The following VSTM4 variants were observed in gnomAD, a reference collection of about 807,000 sequenced individuals.
VSTM4 encodes the protein V-set and transmembrane domain containing 4.
Under a neutral mutation model 36.4 loss-of-function variants are expected in VSTM4, and 20 were observed. The ratio of observed to expected loss-of-function variants is 0.55; its 90% CI spans 0.39 to 0.80. VSTM4 has a LOEUF of 0.80. VSTM4 is among the 30% of genes least tolerant of loss of function. VSTM4 has a pLI of 0.00. For synonymous variants in VSTM4, 182 were observed against 173.9 expected, an observed-to-expected ratio of 1.05 and a Z score of -0.37; for missense variants, 392 against 404.5, an observed-to-expected ratio of 0.97 and a Z score of 0.26.
chr10:49,101,418 GT>G (rs1036810912), intron 2 of VSTM4, among the ~76,000 whole-genome samples: 1 of 152,116 alleles, frequency 6.6e-6, no homozygotes, highest in Non-Finnish European at 1.5e-5. Flanking sequence ...ATTTATTAAG[GT>G]TATGGCCAGG....
At chr10:49,019,809 T>C (rs1222347157) in intron 7 of VSTM4, 34 bp from the exon 8 acceptor site, 2 of 1,600,050 alleles carry the variant, frequency 1.2e-6, no homozygotes, top group Admixed American at 3.4e-5. Context: ...AACACAATTC[T>C]AGCTGACCAC....
At chr10:49,069,536 C>T (rs1209232241) in intron 4 of VSTM4, among the ~76,000 whole-genome samples, 1 of 152,200 alleles carries the variant, frequency 6.6e-6, no homozygotes, top group African/African-American at 2.4e-5. Context: ...CAGGGCTCAA[C>T]CCACAGCCCC....
rs143610842 is a variant in VSTM4, at chr10:49,099,738, A to G, written c.457+7856T>C. Among the ~76,000 whole-genome samples, 399 of 152,332 alleles carry G rather than the reference A, an allele frequency of 2.6e-3. 1 individual carries two copies. The highest frequency in any genetic ancestry group is 8.7e-3 in the African/African-American group (362 of 41,576). On this transcript the variant is annotated intron_variant, in intron 2 of 7. Transcript: ENST00000332853. ...CCATTGGGTAATAAAAACGACATCAACAAGTTCATCTGGCATGAGATTCTG... is the reference window on the plus strand; with the variant it reads ...CCATTGGGTAATAAAAACGACATCAGCAAGTTCATCTGGCATGAGATTCTG...
chr10:49,070,146 G>A (rs2131984052), intron 4 of VSTM4, among the ~76,000 whole-genome samples: 1 of 109,572 alleles, frequency 9.1e-6, no homozygotes, highest in East Asian at 2.4e-4. Context: ...CCAGCTACTT[G>A]GGAGGCTGAG....
At chr10:49,073,761 A>G (rs1283664888) in intron 4 of VSTM4, among the ~76,000 whole-genome samples, 1 of 152,220 alleles carries the variant, frequency 6.6e-6, no homozygotes, top group Non-Finnish European at 1.5e-5. Context: ...ATATATAGGA[A>G]AGTCCACAAA....
intron 4 of VSTM4, 80 bp from the exon 5 acceptor site, chr10:49,064,816 C>T (rs372549458): frequency 7.7e-5 from 115 of 1,493,492 alleles, no homozygotes; most frequent in Middle Eastern, 3.5e-4. Flanking sequence ...AAGGAAATGC[C>T]GGGAGCCAGG....
At chr10:49,056,765 G>T (rs916798721) in intron 5 of VSTM4, among the ~76,000 whole-genome samples, 2 of 152,180 alleles carry the variant, frequency 1.3e-5, no homozygotes, top group East Asian at 3.9e-4. Context: ...TTCCTCCCTG[G>T]ACAAGACATT....
At chr10:49,049,636 CA>C (rs1408403467) in intron 5 of VSTM4, among the ~76,000 whole-genome samples, 1 of 151,986 alleles carries the variant, frequency 6.6e-6, no homozygotes, top group Non-Finnish European at 1.5e-5. Flanking sequence ...ACCCAATCAT[CA>C]AAATAAAAGA....
chr10:49,072,175 A>C (rs1376427716), intron 4 of VSTM4, among the ~76,000 whole-genome samples: 1 of 152,176 alleles, frequency 6.6e-6, no homozygotes, highest in Non-Finnish European at 1.5e-5. Flanking sequence ...GCTAATCCAT[A>C]AAAGGAGGAG....
chr10:49,088,530 T>C (rs1199882801), intron 2 of VSTM4, among the ~76,000 whole-genome samples: 1 of 152,176 alleles, frequency 6.6e-6, no homozygotes, highest in African/African-American at 2.4e-5. Context: ...AGCCCTGAGA[T>C]TGAAAGAGCC....
At position 49,048,582 on chromosome 10, in the gene VSTM4, G is replaced by C. The variant is rs200522557; in HGVS notation, c.671C>G (p.Ser224Ter). 39 of 1,577,184 alleles carry C rather than the reference G, an allele frequency of 2.5e-5. No individual in the cohort carries two copies. The highest frequency in any genetic ancestry group is 2.9e-5 in the Non-Finnish European group (34 of 1,168,732). The change falls in exon 6 of 8, where the codon TCA (serine) becomes TGA (stop). Residue 224 changes from serine (S) to a stop codon, truncating the protein, a stop_gained and splice_region_variant. Coordinates refer to ENST00000332853, the MANE Select transcript of VSTM4 (RefSeq NM_001031746.5). LOFTEE classifies it high-confidence loss of function. ...GGTCACGCTAGTGACAGTCTCCCCT[G>C]AGCTGTAGAAGAAAAAGTTTCCAGT... The part of the protein sequence containing the change: ...HYLVKCPQNS[S>*]GETVTSVTSL...
intron 5 of VSTM4, among the ~76,000 whole-genome samples, chr10:49,058,347 T>A (rs1172585622): frequency 6.6e-6 from 1 of 152,312 alleles, no homozygotes; most frequent in East Asian, 1.9e-4. Flanking sequence ...TGGAGAGTCA[T>A]TGCAGAATGG....
chr10:49,099,780 G>A (rs1844634629), intron 2 of VSTM4, among the ~76,000 whole-genome samples: 1 of 152,218 alleles, frequency 6.6e-6, no homozygotes, highest in Non-Finnish European at 1.5e-5. Context: ...AGCCAGGCAT[G>A]GCTCCACTGT....
rs1313403910 is a variant in VSTM4, at chr10:49,014,592, C to T, written c.*5058G>A. On this transcript the variant is annotated 3_prime_UTR_variant, in exon 8 of 8. Transcript: ENST00000332853. ...CAGCTCAGCGCCCACGTCTGTTAGC[C>T]TTAGGCACTGGGGAATGTTTTTTTT... 2.3e-5 allele frequency: 3 copies of T among 133,268 alleles called. No homozygotes were observed. The highest frequency in any genetic ancestry group is 8.1e-5 in the African/African-American group (3 of 36,966). 8.3% of individuals were successfully genotyped at this position (133,268 alleles called of 1,614,324 possible).
At chr10:49,091,584 G>A (rs1844475454) in intron 2 of VSTM4, among the ~76,000 whole-genome samples, 2 of 152,280 alleles carry the variant, frequency 1.3e-5, no homozygotes, top group South Asian at 4.1e-4. Context: ...GCCTTGGAAA[G>A]AACACCCTGC....
chr10:49,095,612 G>A (rs1429940318), intron 2 of VSTM4, among the ~76,000 whole-genome samples: 1 of 152,090 alleles, frequency 6.6e-6, no homozygotes, highest in Non-Finnish European at 1.5e-5. Context: ...CACAGCCCAG[G>A]GCTGTCTGCT....
At chr10:49,104,998 CAG>C (rs141563757) in intron 2 of VSTM4, among the ~76,000 whole-genome samples, 6,990 of 90,160 alleles carry the variant, frequency 0.078, 311 homozygotes, top group Non-Finnish European at 0.076. Context: ...CACAGAGAGA[CAG>C]AGAGAGAGAC....
At chr10:49,094,310 T>C (rs1844532310) in intron 2 of VSTM4, among the ~76,000 whole-genome samples, 1 of 152,220 alleles carries the variant, frequency 6.6e-6, no homozygotes. Context: ...ATTTATTTTA[T>C]GGCCTCTGGG....
At chr10:49,072,636 G>C (rs751431542) in intron 4 of VSTM4, among the ~76,000 whole-genome samples, 8 of 152,200 alleles carry the variant, frequency 5.3e-5, no homozygotes, top group African/African-American at 1.9e-4. Context: ...ATGTGGGAGA[G>C]TGACACAGTG....
Sources: gnomAD v4.1 joint callset for allele counts (sites outside exome capture counted in the v4.1 genomes callset) on GRCh38, gnomAD v4.1.1 for gene constraint, MANE v1.5 for transcripts, NCBI Gene and HGNC (gene_info 2026-07-23, HGNC 2026-07-21) for gene names.